The following BCL9 variants were observed in gnomAD, a reference collection of about 807,000 sequenced individuals.
BCL9 encodes the protein B-cell CLL/lymphoma 9 protein.
A neutral mutation model predicts 88.5 loss-of-function variants in BCL9; 25 were observed. That is an observed-to-expected ratio of 0.28 (90% CI 0.21 to 0.39). The LOEUF (loss-of-function observed/expected upper bound fraction) is 0.39, where lower values mean the gene tolerates loss of function less well. BCL9 is among the 10% of genes least tolerant of loss of function. The pLI, the probability that BCL9 is intolerant of heterozygous loss-of-function variation, is 1.00. For missense variants in BCL9, 1,817 were observed against 1,877.8 expected, an observed-to-expected ratio of 0.97 and a Z score of 0.60; for synonymous variants, 711 against 673.3, an observed-to-expected ratio of 1.06 and a Z score of -0.87.
chr1:147,568,475 C>CAA (rs1180450905), intron 1 of BCL9, among the ~76,000 whole-genome samples: 6,843 of 33,740 alleles, frequency 0.2, 210 homozygotes, highest in Non-Finnish European at 0.26. Flanking sequence ...AAAGAAAAAG[C>CAA]AAAAAAGAAA....
At position 147,620,637 on chromosome 1, in the gene BCL9, C is replaced by T; in HGVS notation, c.2482C>T (p.Pro828Ser). Residue 828 changes from proline (P) to serine (S), a missense_variant, in exon 8 of 10, where the codon CCC becomes TCC. Physicochemically the swap from Pro to Ser is moderately conservative, Grantham distance 74. Coordinates refer to ENST00000234739, the MANE Select transcript of BCL9 (RefSeq NM_004326.4). Reference sequence around the variant, plus strand: ...ACTACCTCTCAACCCTTCCAGTAACCCCACCAGCCTCAACACAGCTCCTCC... The same window carrying T: ...ACTACCTCTCAACCCTTCCAGTAACTCCACCAGCCTCAACACAGCTCCTCC... The part of the protein sequence containing the change: ...PPLPLNPSSN[P>S]TSLNTAPPVQ... 2 of 1,614,182 alleles carry T rather than the reference C, an allele frequency of 1.2e-6. No individual in the cohort carries two copies. Among genetic ancestry groups the T allele is most frequent in the South Asian group, 2.2e-5 (2 of 91,082 alleles).
chr1:147,569,331 T>G (rs587724030), intron 1 of BCL9, among the ~76,000 whole-genome samples: 1 of 151,826 alleles, frequency 6.6e-6, no homozygotes, highest in Non-Finnish European at 1.5e-5. Flanking sequence ...TGTCTCATGA[T>G]AAGAAATTTA....
At chr1:147,622,164 TTCATC>T in intron 8 of BCL9, 102 bp from the exon 9 acceptor site, 1 of 1,431,422 alleles carries the variant, frequency 7.0e-7, no homozygotes, top group Non-Finnish European at 9.6e-7. Context: ...CACTGTCCTG[TTCATC>T]TGTCTCATTC....
At chr1:147,590,819 G>T (rs1356395915) in intron 1 of BCL9, among the ~76,000 whole-genome samples, 1 of 152,172 alleles carries the variant, frequency 6.6e-6, no homozygotes, top group African/African-American at 2.4e-5. Flanking sequence ...GCTGGCGAAT[G>T]TTGTTATTTT....
chr1:147,612,917 C>G lies in BCL9; in HGVS notation c.88C>G (p.Pro30Ala), dbSNP rs782273942. ...PKSKQEVMVR[P>A]PTVMSPSGNP... is the part of the protein sequence containing the mutation. ...GTCAAAGCAGGAGGTGATGGTCCGT[C>G]CCCCTACAGTGATGTCCCCATCTGG... Residue 30 changes from proline (P) to alanine (A), a missense_variant, in exon 5 of 10, where the codon CCC becomes GCC. Around this residue, in one of 2 missense-constraint regions of BCL9, gnomAD observed 1,228 missense variants for 1,191.6 expected, o/e 1.03. Transcript: ENST00000234739. 2.2e-5 allele frequency: 35 copies of G among 1,613,990 alleles called. No homozygotes were observed. The highest frequency in any genetic ancestry group is 2.9e-5 in the Non-Finnish European group (34 of 1,179,932).
chr1:147,601,931 C>G (rs185791723), intron 1 of BCL9, among the ~76,000 whole-genome samples: 1 of 152,198 alleles, frequency 6.6e-6, no homozygotes, highest in African/African-American at 2.4e-5. Context: ...GACGGAGTCT[C>G]GCTCTGTTGC....
chr1:147,559,702 A>T (rs1655284882), intron 1 of BCL9, among the ~76,000 whole-genome samples: 1 of 152,238 alleles, frequency 6.6e-6, no homozygotes, highest in Admixed American at 6.5e-5. Flanking sequence ...GTTATAATAG[A>T]AATGTACTCT....
rs375491515 is a variant in BCL9 at position 147,568,768 on chromosome 1, A to T, written c.-478+27094A>T. On this transcript the variant is annotated intron_variant, in intron 1 of 9. Coordinates refer to ENST00000234739, the MANE Select transcript of BCL9 (RefSeq NM_004326.4). ...TGTCAGCTGTGTCTAGCCCCAGGGC[A>T]TTGGGCGTTCCAAAAGAAGGAATAC... Among the ~76,000 whole-genome samples the T allele has an allele frequency of 3.3e-5, 5 of 152,274 alleles. No individual in the cohort carries two copies. The East Asian group carries it at 9.7e-4, about 29-fold the overall frequency.
intron 1 of BCL9, among the ~76,000 whole-genome samples, chr1:147,555,117 G>C (rs1655048960): frequency 6.6e-6 from 1 of 152,050 alleles, no homozygotes; most frequent in Admixed American, 6.6e-5. Context: ...GCCCCTTGAG[G>C]TGGGTACTGC....
intron 1 of BCL9, among the ~76,000 whole-genome samples, chr1:147,561,678 G>C (rs978779359): frequency 2.0e-5 from 3 of 152,108 alleles, no homozygotes; most frequent in Non-Finnish European, 2.9e-5. Flanking sequence ...AAATGAATAC[G>C]ATTCAGTCCC....
intron 1 of BCL9, among the ~76,000 whole-genome samples, chr1:147,576,272 G>A (rs1382372500): frequency 6.6e-6 from 1 of 152,106 alleles, no homozygotes; most frequent in Non-Finnish European, 1.5e-5. Flanking sequence ...AAATGTCTAA[G>A]TGAAAAGGCC....
At chr1:147,554,707 C>A (rs587754376) in intron 1 of BCL9, among the ~76,000 whole-genome samples, 26 of 152,252 alleles carry the variant, frequency 1.7e-4, no homozygotes, top group Non-Finnish European at 3.4e-4. Flanking sequence ...TTATTGTCTG[C>A]GCAACCTTGA....
intron 1 of BCL9, among the ~76,000 whole-genome samples, chr1:147,604,146 C>G (rs1336041236): frequency 6.6e-6 from 1 of 152,160 alleles, no homozygotes; most frequent in African/African-American, 2.4e-5. Flanking sequence ...GGGATGGTTA[C>G]TTCCATTCGC....
At chr1:147,600,293 C>T (rs1000698638) in intron 1 of BCL9, 6 of 153,314 alleles carry the variant, frequency 3.9e-5, no homozygotes, top group African/African-American at 1.4e-4. Flanking sequence ...AAGCCTCTTT[C>T]CCTGCTCCGC....
At chr1:147,585,086 G>C (rs587680234) in intron 1 of BCL9, among the ~76,000 whole-genome samples, 1 of 152,202 alleles carries the variant, frequency 6.6e-6, no homozygotes, top group African/African-American at 2.4e-5. Flanking sequence ...TCATTTACCA[G>C]GTGTGAAAAT....
Position 147,613,016 on chromosome 1 carries a change from C to T in BCL9, c.187C>T (p.Pro63Ser), listed in dbSNP as rs895893161. 4 of 1,603,882 alleles carry T rather than the reference C, an allele frequency of 2.5e-6. No individual in the cohort carries two copies. The African/African-American group carries it at 5.4e-5, about 22-fold the overall frequency. ...CTCAGCCAGCCAATCCCAGCCATCCCCCTGTGACTCCAAGAGTGGGGGCCA... is the reference window on the plus strand; with the variant it reads ...CTCAGCCAGCCAATCCCAGCCATCCTCCTGTGACTCCAAGAGTGGGGGCCA... ...GGSASQSQPS[P>S]CDSKSGGHTP... The change falls in exon 5 of 10, where the codon CCC becomes TCC. Residue 63 changes from proline (P) to serine (S), a missense_variant. Physicochemically the swap from Pro to Ser is moderately conservative, Grantham distance 74 (BLOSUM62 -1). Transcript: ENST00000234739.
rs202015564 is a variant in BCL9 at position 147,619,845 on chromosome 1, G to C, written c.1690G>C (p.Gly564Arg). ...GCCAGGGAGCCAGATGCGCCTCCCT[G>C]GATTTGCAGGCATGATAAACTCTGA... Reference protein sequence around the residue: ...NMPGSQMRLPGFAGMINSEME... With the variant: ...NMPGSQMRLPRFAGMINSEME... Residue 564 changes from glycine to arginine, a missense_variant, in exon 8 of 10, where the codon GGA becomes CGA. By Grantham distance (125) the Gly-to-Arg change is moderately radical (BLOSUM62 -2). This residue lies in a region of BCL9 where 1,228 missense variants were observed against 1,191.6 expected (regional missense o/e 1.03). Transcript: ENST00000234739. This position sits in a 1 kb window ranked among gnomAD's most constrained non-coding sequence, Gnocchi z 4.1. 383 of 1,614,144 alleles carry C rather than the reference G, an allele frequency of 2.4e-4. No individual in the cohort carries two copies. Among genetic ancestry groups the C allele is most frequent in the Non-Finnish European group, 3.0e-4 (351 of 1,180,026 alleles).
chr1:147,600,822 A>T (rs1272614187), intron 1 of BCL9, among the ~76,000 whole-genome samples: 1 of 151,874 alleles, frequency 6.6e-6, no homozygotes, highest in Non-Finnish European at 1.5e-5. Context: ...AGAATGTGTG[A>T]GTAGTTAAGG....
At chr1:147,568,714 T>C (rs1394911953) in intron 1 of BCL9, among the ~76,000 whole-genome samples, 1 of 152,176 alleles carries the variant, frequency 6.6e-6, no homozygotes, top group African/African-American at 2.4e-5. Flanking sequence ...GTAAGTTAGA[T>C]AGTAAGATGT....
Sources: gnomAD v4.1 joint callset for allele counts (sites outside exome capture counted in the v4.1 genomes callset) on GRCh38, gnomAD v4.1.1 for gene constraint, gnomAD v4.1.1 regional missense constraint, Gnocchi (gnomAD v3.1) non-coding constraint, MANE v1.5 for transcripts, NCBI Gene and HGNC (gene_info 2026-07-23, HGNC 2026-07-21) for gene names.